The following ZC3H12B variants were observed in gnomAD, a reference collection of about 807,000 sequenced individuals.
ZC3H12B encodes the protein probable ribonuclease ZC3H12B.
Under a neutral mutation model 43.9 loss-of-function variants are expected in ZC3H12B, and 7 were observed. The ratio of observed to expected loss-of-function variants is 0.16; its 90% CI spans 0.09 to 0.30. The LOEUF is 0.30. ZC3H12B is among the 10% of genes least tolerant of loss of function. The pLI is 1.00. For missense variants in ZC3H12B, 475 were observed against 670.2 expected, an observed-to-expected ratio of 0.71 and a Z score of 3.22; for synonymous variants, 222 against 241.7, an observed-to-expected ratio of 0.92 and a Z score of 0.76.
chrX:65,330,682 G>A, the ZC3H12B span: 1 of 116,158 alleles, frequency 8.6e-6, no homozygotes, highest in East Asian at 2.8e-4. Context: ...TTTGTCTTTG[G>A]TTCTGTTTAT....
At chrX:65,463,924 T>G (rs2067785363) in intron 3 of ZC3H12B, among the ~76,000 whole-genome samples, 1 of 111,597 alleles carries the variant, frequency 9.0e-6, no homozygotes. Context: ...AGCTTCTGTC[T>G]GTGTTGTTAC....
chrX:65,180,468 C>G, the ZC3H12B span, among the ~76,000 whole-genome samples: 1 of 111,461 alleles, frequency 9.0e-6, no homozygotes, highest in Non-Finnish European at 1.9e-5. Context: ...GAGAGGAATT[C>G]AAATTGTCTC....
chrX:65,286,211 A>G, the ZC3H12B span, among the ~76,000 whole-genome samples: 1 of 112,286 alleles, frequency 8.9e-6, no homozygotes, highest in East Asian at 2.8e-4. Context: ...GTACAAATAA[A>G]CCATGGAATA....
At chrX:65,157,023 C>G in the ZC3H12B span, among the ~76,000 whole-genome samples, 1 of 110,823 alleles carries the variant, frequency 9.0e-6, no homozygotes, top group African/African-American at 3.3e-5. Context: ...CTCTTTTGCC[C>G]AGGCTGGAGT....
chrX:65,479,629 A>G (rs1425478166), intron 3 of ZC3H12B, among the ~76,000 whole-genome samples: 1 of 111,562 alleles, frequency 9.0e-6, no homozygotes, highest in Non-Finnish European at 1.9e-5. Context: ...CGGCCTCCCA[A>G]TATGCTGGGA....
the ZC3H12B span, among the ~76,000 whole-genome samples, chrX:65,151,964 G>A: frequency 9.0e-6 from 1 of 111,680 alleles, no homozygotes; most frequent in African/African-American, 3.3e-5. Flanking sequence ...CATATAAACA[G>A]AACCAATGAC....
chrX:65,471,445 A>AT (rs781370409), intron 3 of ZC3H12B, among the ~76,000 whole-genome samples: 1,546 of 60,997 alleles, frequency 0.025, 27 homozygotes, highest in East Asian at 0.034. Flanking sequence ...TTGGTTTGTG[A>AT]TTTTTTTTTT....
chrX:65,205,014 G>A, the ZC3H12B span, among the ~76,000 whole-genome samples: 1 of 111,836 alleles, frequency 8.9e-6, no homozygotes, highest in Non-Finnish European at 1.9e-5. Flanking sequence ...TGGAACTGTA[G>A]TAATCCATTA....
chrX:65,156,348 A>G, the ZC3H12B span, among the ~76,000 whole-genome samples: 3 of 111,264 alleles, frequency 2.7e-5, no homozygotes, highest in East Asian at 5.7e-4. Context: ...CTATCAGCAC[A>G]TGCTGCCACA....
At chrX:65,078,990 C>T in the ZC3H12B span, among the ~76,000 whole-genome samples, 1 of 111,390 alleles carries the variant, frequency 9.0e-6, no homozygotes, top group Non-Finnish European at 1.9e-5. Flanking sequence ...TTTTTGTACC[C>T]ATTAATCATC....
intron 3 of ZC3H12B, among the ~76,000 whole-genome samples, chrX:65,416,015 T>C (rs2066955936): frequency 8.9e-6 from 1 of 111,992 alleles, no homozygotes; most frequent in African/African-American, 3.2e-5. Flanking sequence ...GATGAAAATA[T>C]TTCTAAAATA....
At chrX:65,270,366 A>G in the ZC3H12B span, among the ~76,000 whole-genome samples, 2 of 112,000 alleles carry the variant, frequency 1.8e-5, no homozygotes, top group African/African-American at 6.5e-5. Context: ...AACTTACAAC[A>G]TACACAAAAA....
At chrX:65,349,405 G>C in the ZC3H12B span, among the ~76,000 whole-genome samples, 1 of 112,026 alleles carries the variant, frequency 8.9e-6, no homozygotes, top group Admixed American at 9.5e-5. Context: ...GCCCACAAGA[G>C]AAAGCAGAGA....
chrX:65,222,430 T>C, the ZC3H12B span, among the ~76,000 whole-genome samples: 4 of 110,403 alleles, frequency 3.6e-5, no homozygotes, highest in Admixed American at 2.9e-4. Context: ...GCTGATGACA[T>C]GTATTTAAAA....
At chrX:65,298,675 G>A in the ZC3H12B span, among the ~76,000 whole-genome samples, 3 of 111,879 alleles carry the variant, frequency 2.7e-5, no homozygotes, top group African/African-American at 9.7e-5. Flanking sequence ...ATTCATAATA[G>A]CCAAAATATG....
At chrX:65,275,392 A>G in the ZC3H12B span, among the ~76,000 whole-genome samples, 1 of 113,083 alleles carries the variant, frequency 8.8e-6, no homozygotes, top group African/African-American at 3.2e-5. Context: ...AGGTCAAGCA[A>G]CTGTGTGCCT....
At chrX:65,359,343 A>C in the ZC3H12B span, among the ~76,000 whole-genome samples, 2 of 112,019 alleles carry the variant, frequency 1.8e-5, no homozygotes, top group African/African-American at 3.2e-5. Context: ...AATACATTTC[A>C]TAAGGCTATG....
the ZC3H12B span, among the ~76,000 whole-genome samples, chrX:65,249,796 A>ATTTTTTTTTTTTTT: frequency 4.1e-5 from 2 of 48,929 alleles, no homozygotes; most frequent in Admixed American, 2.5e-4. Context: ...ATTCCTAAGT[A>ATTTTTTTTTTTTTT]TTTTTTTTTT....
chrX:65,388,643 G>A (rs184525516), intron 2 of ZC3H12B, among the ~76,000 whole-genome samples: 250 of 111,669 alleles, frequency 2.2e-3, no homozygotes, highest in Non-Finnish European at 3.2e-3. Flanking sequence ...CTCTCAACTC[G>A]TCAAAGTCAT....
Sources: allele counts gnomAD v4.1 joint callset (sites outside exome capture counted in the v4.1 genomes callset), GRCh38; gene constraint gnomAD v4.1.1; transcripts MANE v1.5; gene names NCBI Gene and HGNC (gene_info 2026-07-23, HGNC 2026-07-21).